Variants in MEF2B observed in about 807,000 individuals in gnomAD.
MEF2B encodes the protein myocyte enhancer factor 2B, also known as myocyte-specific enhancer factor 2B.
Under a neutral mutation model 32.2 loss-of-function variants are expected in MEF2B, and 15 were observed. That is an observed-to-expected ratio of 0.47 (90% CI 0.31 to 0.72). The LOEUF (loss-of-function observed/expected upper bound fraction) is 0.72, where lower values mean the gene tolerates loss of function less well. Among genes scored for constraint, MEF2B ranks in the 30% least tolerant of loss-of-function variants. The pLI, the probability that MEF2B is intolerant of heterozygous loss-of-function variation, is 0.05. For missense variants in MEF2B, 441 were observed against 511.5 expected, an observed-to-expected ratio of 0.86 and a Z score of 1.33; for synonymous variants, 205 against 225.6, an observed-to-expected ratio of 0.91 and a Z score of 0.82.
chr19:19,170,215 T>C lies in MEF2B; in HGVS notation c.-40A>G. The C allele has an allele frequency of 2.5e-6, 1 of 398,524 alleles. No homozygotes were observed. The allele number at this position is 398,524 out of a possible 1,614,324, so 24.7% of individuals were successfully genotyped here. ...CGATATGACACGCACCTGCTCGGCC[T>C]GGGCCCTGGGACGCTGGGCGCACGG... On this transcript the variant is annotated 5_prime_UTR_variant, in exon 1 of 9. Transcript: ENST00000424583.
chr19:19,159,639 G>C (rs1019245913), intron 1 of MEF2B, among the ~76,000 whole-genome samples: 4 of 152,124 alleles, frequency 2.6e-5, no homozygotes, highest in South Asian at 2.1e-4. Flanking sequence ...TGAGCGATGT[G>C]GGGGTGAGGG....
At chr19:19,154,233 G>A (rs1225682232) in intron 1 of MEF2B, among the ~76,000 whole-genome samples, 2 of 151,944 alleles carry the variant, frequency 1.3e-5, no homozygotes, top group African/African-American at 4.8e-5. Context: ...GCGTGATCGC[G>A]GCTTACTGCA....
At position 19,169,775 on chromosome 19, in the gene MEF2B, G is replaced by A. The variant is rs570068502; in HGVS notation, c.-30+430C>T. Among the ~76,000 whole-genome samples, 5 of 152,200 alleles carry A rather than the reference G, an allele frequency of 3.3e-5. No homozygotes were observed. In the East Asian group the frequency reaches 7.7e-4, roughly 23 times the overall value. Reference sequence around the variant, plus strand: ...TGCCTACCATCCTGCTGTGACAAACGAGTGTACACCCACAGCAAGAAGGCA... The same window carrying A: ...TGCCTACCATCCTGCTGTGACAAACAAGTGTACACCCACAGCAAGAAGGCA... On this transcript the variant is annotated intron_variant, in intron 1 of 8. Coordinates refer to ENST00000424583, the MANE Select transcript of MEF2B (RefSeq NM_001145785.2).
At chr19:19,147,874 C>G (rs201400803) in intron 3 of MEF2B, 42 bp from the exon 4 acceptor site, 1 of 1,586,896 alleles carries the variant, frequency 6.3e-7, no homozygotes, top group African/African-American at 1.3e-5. Context: ...TTACCCCTAC[C>G]CCACCCAGGG....
chr19:19,167,932 C>A (rs1336685603), intron 1 of MEF2B, among the ~76,000 whole-genome samples: 1 of 152,194 alleles, frequency 6.6e-6, no homozygotes, highest in Non-Finnish European at 1.5e-5. Context: ...TTCCCTCCTG[C>A]AAACCAGCTT....
chr19:19,148,090 C>T (rs1188730475), intron 3 of MEF2B, among the ~76,000 whole-genome samples: 3 of 152,258 alleles, frequency 2.0e-5, no homozygotes, highest in South Asian at 2.1e-4. Context: ...GGCCTGTTGG[C>T]GCTGTCCTAA....
intron 1 of MEF2B, among the ~76,000 whole-genome samples, chr19:19,151,850 C>T (rs2060083205): frequency 6.6e-6 from 1 of 152,042 alleles, no homozygotes; most frequent in Non-Finnish European, 1.5e-5. Context: ...AGGCCGGTCA[C>T]GGTGGCTCAC....
intron 8 of MEF2B, 33 bp downstream of exon 8, chr19:19,146,240 G>A (rs2146349381): frequency 2.1e-6 from 2 of 970,238 alleles, no homozygotes; most frequent in Non-Finnish European, 2.8e-6. Context: ...GGCTTTGGAG[G>A]ACTGGGACTT....
chr19:19,146,630 G>C lies in MEF2B; in HGVS notation c.694C>G (p.Leu232Val), dbSNP rs749012108. ...LNTSRSLYSG[L>V]QNPCSTATPG... ...GTTGCAGTGGAGCAGGGGTTCTGCAGGCCACTGTAGAGGCTTCTCTGTGCG... is the reference window on the plus strand; with the variant it reads ...GTTGCAGTGGAGCAGGGGTTCTGCACGCCACTGTAGAGGCTTCTCTGTGCG... Residue 232 changes from leucine to valine, a missense_variant, in exon 7 of 9, where the codon CTG (leucine) becomes GTG (valine). Physicochemically the swap from Leu to Val is conservative, Grantham distance 32. This residue lies in a region of MEF2B where 326 missense variants were observed against 328.4 expected (regional missense o/e 0.99). Transcript: ENST00000424583. 4 of 1,612,382 alleles carry C rather than the reference G, an allele frequency of 2.5e-6. No individual in the cohort carries two copies. The African/African-American group carries it at 5.3e-5, about 22-fold the overall frequency.
intron 8 of MEF2B, 61 bp from the exon 9 acceptor site, chr19:19,146,083 G>A: frequency 7.5e-7 from 1 of 1,338,094 alleles, no homozygotes; most frequent in South Asian, 1.6e-5. Flanking sequence ...GAAGCCAGGG[G>A]ATGGCACAGC....
chr19:19,164,296 C>T (rs1238498979), intron 1 of MEF2B, among the ~76,000 whole-genome samples: 1 of 152,122 alleles, frequency 6.6e-6, no homozygotes, highest in African/African-American at 2.4e-5. Context: ...CCTCATGGTC[C>T]ACACAACAAA....
chr19:19,145,666 C>T lies in MEF2B; in HGVS notation c.*131G>A, dbSNP rs1370689887. 2.6e-6 allele frequency: 4 copies of T among 1,537,434 alleles called. No individual in the cohort carries two copies. The highest frequency in any genetic ancestry group is 3.5e-6 in the Non-Finnish European group (4 of 1,140,728). ...GGGTGGATTGAGTCCAGCCGCCCACCTCCAAGCCCCCACCGCGGAGGGGGG... is the reference window on the plus strand; with the variant it reads ...GGGTGGATTGAGTCCAGCCGCCCACTTCCAAGCCCCCACCGCGGAGGGGGG... On this transcript the variant is annotated 3_prime_UTR_variant, in exon 9 of 9. Transcript: ENST00000424583. The surrounding 1 kb of genome is among the most constrained non-coding windows in gnomAD (Gnocchi z 4.6).
intron 1 of MEF2B, among the ~76,000 whole-genome samples, chr19:19,155,741 C>T (rs1219558663): frequency 1.3e-5 from 2 of 152,224 alleles, no homozygotes; most frequent in African/African-American, 4.8e-5. Flanking sequence ...CCCAGAGCCG[C>T]AGACAGACCC....
intron 2 of MEF2B, 115 bp downstream of exon 2, chr19:19,150,567 C>G: frequency 8.7e-7 from 1 of 1,154,108 alleles, no homozygotes; most frequent in Non-Finnish European, 1.2e-6. Context: ...GGCATCAGGA[C>G]TCCTCATGCC....
At chr19:19,148,561 T>A (rs1459280427) in intron 3 of MEF2B, among the ~76,000 whole-genome samples, 2 of 152,160 alleles carry the variant, frequency 1.3e-5, no homozygotes, top group East Asian at 3.9e-4. Flanking sequence ...CCCAACCTCT[T>A]CTTTGCCAAC....
At chr19:19,165,838 C>G (rs1465545387) in intron 1 of MEF2B, among the ~76,000 whole-genome samples, 1 of 152,152 alleles carries the variant, frequency 6.6e-6, no homozygotes, top group Non-Finnish European at 1.5e-5. Context: ...ACTCTTATTA[C>G]AATCCACCTC....
rs914889969 is a variant in MEF2B at position 19,146,295 on chromosome 19, G to A, written c.859C>T (p.Pro287Ser). 10 of 1,337,636 alleles carry A rather than the reference G, an allele frequency of 7.5e-6. No homozygotes were observed. In the East Asian group the frequency reaches 2.3e-4, roughly 31 times the overall value. The allele number at this position is 1,337,636 out of a possible 1,614,324, so 82.9% of individuals were successfully genotyped here. The change falls in exon 8 of 9, where the codon CCC (proline) becomes TCC (serine). Residue 287 changes from proline to serine, a missense_variant. By Grantham distance (74) the Pro-to-Ser change is moderately conservative. Transcript: ENST00000424583. Reference protein sequence around the residue: ...PWQPSRGDGPPAVSSQPSGGR... With the variant: ...PWQPSRGDGPSAVSSQPSGGR... ...TACCTGGGCTGGGAGGACACGGCGGGGGGCCCATCACCCCTCGAGGGCTGC... is the reference window on the plus strand; with the variant it reads ...TACCTGGGCTGGGAGGACACGGCGGAGGGCCCATCACCCCTCGAGGGCTGC...
At chr19:19,146,942 T>G (rs2060031639) in intron 5 of MEF2B, 67 bp from the exon 6 acceptor site, 1 of 1,577,516 alleles carries the variant, frequency 6.3e-7, no homozygotes, top group Non-Finnish European at 8.6e-7. Flanking sequence ...GTCTGAGGTT[T>G]AGAGGTGATG....
At chr19:19,161,269 T>C (rs970686433) in intron 1 of MEF2B, among the ~76,000 whole-genome samples, 9 of 151,974 alleles carry the variant, frequency 5.9e-5, no homozygotes, top group African/African-American at 2.2e-4. Context: ...GGTGGAGTGC[T>C]GAGGGACAGG....
Sources: allele counts gnomAD v4.1 joint callset (sites outside exome capture counted in the v4.1 genomes callset), GRCh38; gene constraint gnomAD v4.1.1; regional missense constraint gnomAD v4.1.1; non-coding constraint Gnocchi (gnomAD v3.1); transcripts MANE v1.5; gene names NCBI Gene and HGNC (gene_info 2026-07-23, HGNC 2026-07-21).